DPP6: variants seen among roughly 807,000 people sequenced by gnomAD.
The protein encoded by DPP6 is dipeptidyl peptidase like 6, also known as A-type potassium channel modulatory protein DPP6.
Under a neutral mutation model 122.6 loss-of-function variants are expected in DPP6, and 69 were observed. The observed-to-expected ratio is 0.56, with a 90% CI of 0.46 to 0.69. The LOEUF is 0.69. Among genes scored for constraint, DPP6 ranks in the 30% least tolerant of loss-of-function variants. DPP6 has a pLI of 0.00. For missense variants in DPP6, 928 were observed against 1,116.9 expected (o/e 0.83, Z 2.41); for synonymous variants, 418 against 433.1 (o/e 0.97, Z 0.43).
intron 1 of DPP6, among the ~76,000 whole-genome samples, chr7:154,019,003 A>G (rs559890115): frequency 5.6e-4 from 85 of 152,334 alleles, no homozygotes; most frequent in African/African-American, 1.9e-3. Context: ...AACAAATACA[A>G]TAAACAGAGA....
At chr7:154,785,130 GTT>G (rs1450765425) in intron 10 of DPP6, among the ~76,000 whole-genome samples, 1 of 152,082 alleles carries the variant, frequency 6.6e-6, no homozygotes, top group Non-Finnish European at 1.5e-5. Flanking sequence ...TTTATTTATT[GTT>G]GTTGTTAAGT....
chr7:154,140,342 C>T lies in DPP6; in HGVS notation c.243+87279C>T, dbSNP rs192853839. ...ATTGATTTTATTCACACCAAGTTTA[C>T]TCTGACGGATTACCACAAGTAAACA... On this transcript the variant is annotated intron_variant, in intron 1 of 25. Transcript: ENST00000377770. Among the ~76,000 whole-genome samples, 6 of 152,344 alleles carry T rather than the reference C, an allele frequency of 3.9e-5. No individual in the cohort carries two copies. The East Asian group carries it at 1.2e-3, about 29-fold the overall frequency.
intron 1 of DPP6, among the ~76,000 whole-genome samples, chr7:153,935,711 GC>G (rs1801404000): frequency 6.6e-6 from 1 of 152,278 alleles, no homozygotes; most frequent in Admixed American, 6.5e-5. Flanking sequence ...GGGCCCCTGG[GC>G]TCACAGCCTG....
intron 4 of DPP6, among the ~76,000 whole-genome samples, chr7:154,548,958 G>A (rs886719364): frequency 1.3e-5 from 2 of 152,204 alleles, no homozygotes; most frequent in South Asian, 2.1e-4. Context: ...AATGAAAAGG[G>A]TGGATAATTC....
At chr7:154,292,269 C>T (rs1055792828) in intron 1 of DPP6, among the ~76,000 whole-genome samples, 1 of 152,120 alleles carries the variant, frequency 6.6e-6, no homozygotes, top group Non-Finnish European at 1.5e-5. Flanking sequence ...TCTGGTCCCC[C>T]ACAAGTTTCA....
chr7:154,870,906 T>C (rs973197780), intron 18 of DPP6, among the ~76,000 whole-genome samples: 1 of 141,662 alleles, frequency 7.1e-6, no homozygotes, highest in Non-Finnish European at 1.5e-5. Flanking sequence ...GAAGTTGCAG[T>C]GAGCTGAGAT....
intron 1 of DPP6, among the ~76,000 whole-genome samples, chr7:154,061,982 C>G (rs1442843916): frequency 7.7e-6 from 1 of 129,348 alleles, no homozygotes; most frequent in African/African-American, 2.9e-5. Flanking sequence ...GCTATCCCCT[C>G]TTCCGCCCCT....
In DPP6 at chr7:154,062,959, C is replaced by A. The variant is rs546366902; in HGVS notation, c.243+9896C>A. 4.6e-4 allele frequency among the ~76,000 whole-genome samples: 61 copies of A among 132,362 alleles called. 9 individuals carry two copies. The East Asian group carries it at 0.012, about 25-fold the overall frequency. 86.8% of individuals were successfully genotyped at this position (132,362 alleles called of 152,430 possible). A position where few individuals can be genotyped will look rare whatever the true frequency, so the allele number is the denominator to read the frequency against. On this transcript the variant is annotated intron_variant, in intron 1 of 25. Transcript: ENST00000377770. ...GTCCAGGTAGAAATTTCAAATCTTCCGACGGCAGGTACCTTACGTGGAATT... is the reference window on the plus strand; with the variant it reads ...GTCCAGGTAGAAATTTCAAATCTTCAGACGGCAGGTACCTTACGTGGAATT...
intron 1 of DPP6, among the ~76,000 whole-genome samples, chr7:154,258,479 CGTT>C (rs1563378565): frequency 6.6e-6 from 1 of 152,120 alleles, no homozygotes; most frequent in African/African-American, 2.4e-5. Flanking sequence ...GGGAGGCTGA[CGTT>C]GTTATAGGAG....
At chr7:154,111,892 G>C (rs1388548263) in intron 1 of DPP6, among the ~76,000 whole-genome samples, 1 of 152,146 alleles carries the variant, frequency 6.6e-6, no homozygotes, top group Admixed American at 6.5e-5. Flanking sequence ...TTAGGCATAA[G>C]ACAGGATTCT....
intron 6 of DPP6, among the ~76,000 whole-genome samples, chr7:154,654,995 CTAAT>C (rs1837146591): frequency 6.6e-6 from 1 of 152,196 alleles, no homozygotes; most frequent in Non-Finnish European, 1.5e-5. Flanking sequence ...CACCCATCCA[CTAAT>C]TAATTATTCA....
At chr7:154,029,356 A>G (rs958393450) in intron 1 of DPP6, among the ~76,000 whole-genome samples, 18 of 150,592 alleles carry the variant, frequency 1.2e-4, no homozygotes, top group Non-Finnish European at 2.1e-4. Flanking sequence ...CTCTACTAAA[A>G]ATACAAAAAA....
At chr7:154,068,068 T>G (rs1293402976) in intron 1 of DPP6, among the ~76,000 whole-genome samples, 1 of 151,946 alleles carries the variant, frequency 6.6e-6, no homozygotes, top group Non-Finnish European at 1.5e-5. Context: ...GGCAAGAGAC[T>G]CGTTTGAAGT....
chr7:154,487,893 C>T (rs747397893), intron 3 of DPP6, among the ~76,000 whole-genome samples: 9 of 152,288 alleles, frequency 5.9e-5, no homozygotes, highest in Non-Finnish European at 1.2e-4. Flanking sequence ...TGTGACTCAT[C>T]AATCTTTTGC....
the DPP6 span, among the ~76,000 whole-genome samples, chr7:153,810,606 TTTTTC>T: frequency 2.6e-5 from 4 of 151,980 alleles, no homozygotes; most frequent in Non-Finnish European, 4.4e-5. Context: ...TTTTTCTCAG[TTTTTC>T]TTTTCTTCTA....
chr7:154,099,287 A>C (rs1441745127), intron 1 of DPP6, among the ~76,000 whole-genome samples: 1 of 147,334 alleles, frequency 6.8e-6, no homozygotes, highest in Non-Finnish European at 1.5e-5. Flanking sequence ...TTGAATGCCA[A>C]ATATATTCCA....
chr7:154,385,239 C>A (rs1288571937), intron 1 of DPP6, among the ~76,000 whole-genome samples: 1 of 152,024 alleles, frequency 6.6e-6, no homozygotes, highest in African/African-American at 2.4e-5. Context: ...AATTTTTTTT[C>A]TTTCTTGCAT....
At chr7:154,705,007 C>G (rs35132036) in intron 7 of DPP6, among the ~76,000 whole-genome samples, 3,974 of 152,244 alleles carry the variant, frequency 0.026, 63 homozygotes, top group Non-Finnish European at 0.04. Context: ...GCTGAGATTA[C>G]AAGCACACGC....
At chr7:154,108,356 G>A (rs1401967439) in intron 1 of DPP6, among the ~76,000 whole-genome samples, 1 of 152,174 alleles carries the variant, frequency 6.6e-6, no homozygotes, top group Admixed American at 6.5e-5. Context: ...ATTGATGTAG[G>A]CAAATGTCAT....
Sources: allele counts gnomAD v4.1 joint callset (sites outside exome capture counted in the v4.1 genomes callset), GRCh38; gene constraint gnomAD v4.1.1; transcripts MANE v1.5; gene names NCBI Gene and HGNC (gene_info 2026-07-23, HGNC 2026-07-21).